MDM1: variants seen among roughly 807,000 people sequenced by gnomAD.
MDM1 encodes the protein Mdm1 nuclear protein.
Under a neutral mutation model 89.1 loss-of-function variants are expected in MDM1, and 61 were observed. That is an observed-to-expected ratio of 0.68 (90% CI 0.56 to 0.85). The LOEUF is 0.85. Among genes scored for constraint, MDM1 ranks in the 40% least tolerant of loss-of-function variants. The probability of loss-of-function intolerance (pLI) is 0.00; values close to 1 mark genes in which losing one functional copy is unlikely to be tolerated. For missense variants in MDM1, 820 were observed against 846.5 expected (o/e 0.97, Z 0.39); for synonymous variants, 290 against 294.1 (o/e 0.99, Z 0.14).
intron 12 of MDM1, among the ~76,000 whole-genome samples, chr12:68,304,175 C>T (rs1246078222): frequency 6.6e-6 from 1 of 152,098 alleles, no homozygotes; most frequent in Admixed American, 6.5e-5. Flanking sequence ...CTTTGGGAGG[C>T]CGAGACGGGA....
At chr12:68,302,962 C>A in intron 12 of MDM1, 90 bp from the exon 13 acceptor site, 2 of 1,188,036 alleles carry the variant, frequency 1.7e-6, no homozygotes, top group Non-Finnish European at 2.3e-6. Flanking sequence ...AAAACATAAC[C>A]AAAAAGCAGA....
intron 12 of MDM1, among the ~76,000 whole-genome samples, chr12:68,305,752 CAT>C (rs1872777605): frequency 6.6e-6 from 1 of 152,040 alleles, no homozygotes; most frequent in Non-Finnish European, 1.5e-5. Flanking sequence ...TTATAGATGA[CAT>C]AAACAAATGG....
chr12:68,316,473 G>A, intron 8 of MDM1, 108 bp downstream of exon 8: 1 of 1,012,576 alleles, frequency 9.9e-7, no homozygotes, highest in Non-Finnish European at 1.5e-6. Context: ...AGCAGGCAGG[G>A]AGAAATTCAT....
intron 12 of MDM1, among the ~76,000 whole-genome samples, chr12:68,308,127 CTTT>C (rs774192759): frequency 1.1e-4 from 15 of 138,832 alleles, no homozygotes; most frequent in Admixed American, 1.4e-4. Flanking sequence ...GCTGTTCCTT[CTTT>C]TTTTTTTTTT....
chr12:68,321,734 T>G, intron 5 of MDM1, 106 bp from the exon 6 acceptor site: 1 of 648,610 alleles, frequency 1.5e-6, no homozygotes, highest in Non-Finnish European at 2.5e-6. Flanking sequence ...CATTTCTATT[T>G]TTAGAAGCTT....
Position 68,307,486 on chromosome 12 carries a change from T to A in MDM1, c.1750-4614A>T, listed in dbSNP as rs557885074. On this transcript the variant is annotated intron_variant, in intron 12 of 14. Transcript: ENST00000682720. ...CCCCAACTCTACAAAAAATTTTTTT[T>A]AAAAATTAGCCAGGCATGGTGGCAC... Among the ~76,000 whole-genome samples the A allele has an allele frequency of 1.0e-3, 159 of 152,038 alleles. 3 individuals carry two copies. Among genetic ancestry groups the A allele is most frequent in the Admixed American group, 9.4e-3 (143 of 15,276 alleles).
intron 12 of MDM1, among the ~76,000 whole-genome samples, chr12:68,308,146 G>C (rs1289266399): frequency 7.3e-6 from 1 of 137,246 alleles, no homozygotes; most frequent in Admixed American, 7.2e-5. Context: ...TTTTTTTTGA[G>C]ATGGAGTCTC....
chr12:68,326,805 T>C lies in MDM1; in HGVS notation c.350A>G (p.Lys117Arg). 1.9e-6 allele frequency: 3 copies of C among 1,614,040 alleles called. No individual in the cohort carries two copies. The highest frequency in any genetic ancestry group is 2.5e-6 in the Non-Finnish European group (3 of 1,179,952). ...GTCTGCAGAGTGAGATCTGGTTCTT[T>C]TGGGAACCCTGGAAGCTTCTAGTGA... ...VHSLEASRVP[K>R]RTRSHSADSR... The change falls in exon 3 of 15, where the codon AAA (lysine) becomes AGA (arginine). Residue 117 changes from lysine (K) to arginine (R), a missense_variant. Transcript: ENST00000682720.
chr12:68,321,808 T>C (rs1396840590), intron 5 of MDM1, among the ~76,000 whole-genome samples, 180 bp from the exon 6 acceptor site: 1 of 152,182 alleles, frequency 6.6e-6, no homozygotes, highest in Non-Finnish European at 1.5e-5. Flanking sequence ...TTTTAGTATA[T>C]TTGGTTAGTT....
At chr12:68,304,609 A>T (rs1487656228) in intron 12 of MDM1, among the ~76,000 whole-genome samples, 2 of 152,170 alleles carry the variant, frequency 1.3e-5, no homozygotes, top group Non-Finnish European at 2.9e-5. Context: ...TTTTCTATAT[A>T]TATGAACAAA....
rs754842783 is a variant in MDM1, at chr12:68,332,228, C to T, written c.18G>A (p.Lys6=). 14 of 1,579,588 alleles carry T rather than the reference C, an allele frequency of 8.9e-6. No individual in the cohort carries two copies. The South Asian group carries it at 1.5e-4, about 17-fold the overall frequency. The stretch of plus-strand genomic sequence containing the variant: ...TCCGGCCCGGGGACCCCAGCCTCAC[C>T]TTGAAGCGCACCGGCATGTCGCCCG... MPVRF[K]GLSEYQRNFL... The change falls in exon 1 of 15, where the codon AAG becomes AAA. Residue 6 remains lysine (K), a splice_region_variant and synonymous_variant. Transcript: ENST00000682720.
chr12:68,302,383 T>C (rs766498271), intron 13 of MDM1, among the ~76,000 whole-genome samples: 7 of 152,232 alleles, frequency 4.6e-5, no homozygotes, highest in African/African-American at 7.2e-5. Context: ...ATTCCCTGTA[T>C]GTGTATGAAT....
At chr12:68,322,145 G>A (rs922163872) in intron 5 of MDM1, among the ~76,000 whole-genome samples, 2 of 152,028 alleles carry the variant, frequency 1.3e-5, no homozygotes, top group Non-Finnish European at 2.9e-5. Flanking sequence ...GGACCATAAA[G>A]TATCGGGTAT....
intron 7 of MDM1, among the ~76,000 whole-genome samples, chr12:68,318,321 T>C (rs374477587): frequency 1.7e-3 from 252 of 152,294 alleles, no homozygotes; most frequent in African/African-American, 5.8e-3. Context: ...CATCTATCCA[T>C]GCATGATGAA....
chr12:68,317,047 T>TA (rs1207188865), intron 7 of MDM1, among the ~76,000 whole-genome samples: 2 of 151,388 alleles, frequency 1.3e-5, no homozygotes, highest in African/African-American at 2.4e-5. Context: ...TTTTTTTTTT[T>TA]AAAAAAGTAC....
chr12:68,302,622 T>C lies in MDM1; in HGVS notation c.2000A>G (p.Asn667Ser). 1 of 1,609,572 alleles carries C rather than the reference T, an allele frequency of 6.2e-7. No homozygotes were observed. Among genetic ancestry groups the C allele is most frequent in the Non-Finnish European group, 8.5e-7 (1 of 1,177,880 alleles). ...AAAATTAAAACCAAAATAATTACCA[T>C]TGTGCTGAAACTCTGGATCTCTAAG... ...GSLRDPEFQH[N>S]VGKARMNNLQ... The change falls in exon 13 of 15, where the codon AAT (asparagine) becomes AGT (serine). Residue 667 changes from asparagine (N) to serine (S), a missense_variant and splice_region_variant. By Grantham distance (46) the Asn-to-Ser change is conservative (BLOSUM62 1). Transcript: ENST00000682720.
chr12:68,327,822 A>T (rs1876231827), intron 2 of MDM1, among the ~76,000 whole-genome samples: 1 of 152,200 alleles, frequency 6.6e-6, no homozygotes, highest in African/African-American at 2.4e-5. Flanking sequence ...TTATCCTTTT[A>T]AAAGGCTTCC....
intron 4 of MDM1, chr12:68,325,140 G>C (rs983750460): frequency 2.0e-6 from 2 of 991,272 alleles, no homozygotes; most frequent in Non-Finnish European, 2.4e-6. Flanking sequence ...TTTTTAATAA[G>C]TAAAAAAATC....
At position 68,327,610 on chromosome 12, in the gene MDM1, T is replaced by C. The variant is rs554716126; in HGVS notation, c.134-589A>G. ...AAATGTCCAAAAACTTAACCTTCTA[T>C]GAAGGTAAGAGCAGCTCTGCAGAAT... On this transcript the variant is annotated intron_variant, in intron 2 of 14. Transcript: ENST00000682720. The C allele has an allele frequency of 3.7e-5, 43 of 1,161,754 alleles. No homozygotes were observed. The South Asian group carries it at 4.4e-4, about 12-fold the overall frequency. The allele number at this position is 1,161,754 out of a possible 1,614,324, so 72.0% of individuals were successfully genotyped here.
Sources: gnomAD v4.1 joint callset for allele counts (sites outside exome capture counted in the v4.1 genomes callset) on GRCh38, gnomAD v4.1.1 for gene constraint, MANE v1.5 for transcripts, NCBI Gene and HGNC (gene_info 2026-07-23, HGNC 2026-07-21) for gene names.